ERCC3: variants seen among roughly 807,000 people sequenced by gnomAD.
ERCC3 encodes ERCC excision repair 3, TFIIH core complex helicase subunit.
ERCC3 carries 66 observed loss-of-function variants against 94.2 expected under a neutral mutation model. The ratio of observed to expected loss-of-function variants is 0.70; its 90% confidence interval spans 0.57 to 0.86. The LOEUF is 0.86. Ranked by LOEUF, ERCC3 falls within the 40% of genes least tolerant of loss-of-function variation. ERCC3 has a pLI of 0.00. For synonymous variants in ERCC3, 349 were observed against 369.1 expected (o/e 0.95, Z 0.63); for missense variants, 829 against 987.1 (o/e 0.84, Z 2.15).
In ERCC3 at chr2:127,294,108, G is replaced by GA; in HGVS notation, c.-28dup. 1 of 1,604,934 alleles carries GA rather than the reference G, an allele frequency of 6.2e-7. No individual in the cohort carries two copies. The highest frequency in any genetic ancestry group is 8.5e-7 in the Non-Finnish European group (1 of 1,178,984). ...GCAGCTACAGCAGCAGAGAGAAGAT[G>GA]ACCCCGCTCCCACAGGCCCGCCGCG... is the stretch of plus-strand genomic sequence containing the variant. On this transcript the variant is annotated 5_prime_UTR_variant, in exon 1 of 15. An upstream open reading frame in the 5' UTR loses its in-frame stop. Transcript: ENST00000285398.
At chr2:127,276,948 A>AACT (rs1284346750) in intron 10 of ERCC3, among the ~76,000 whole-genome samples, 1 of 152,180 alleles carries the variant, frequency 6.6e-6, no homozygotes, top group African/African-American at 2.4e-5. Context: ...GACCTGGCCA[A>AACT]ACTACTGATC....
At position 127,292,180 on chromosome 2, in the gene ERCC3, C is replaced by T. The variant is rs4150406; in HGVS notation, c.471+430G>A. On this transcript the variant is annotated intron_variant, in intron 3 of 14. Transcript: ENST00000285398. ...TCACGACCTCATTTAGTCTTAACTA[C>T]TTTCTTACTCCAAATACATTACCAT... 751 of 315,156 alleles carry T rather than the reference C, an allele frequency of 2.4e-3. 14 individuals are homozygous for T. The highest frequency in any genetic ancestry group is 0.015 in the South Asian group (544 of 35,234). The allele number at this position is 315,156 out of a possible 1,614,324, so 19.5% of individuals were successfully genotyped here. A position where few individuals can be genotyped will look rare whatever the true frequency, so the allele number is the denominator to read the frequency against.
chr2:127,272,812 C>T, intron 11 of ERCC3, 53 bp downstream of exon 11: 1 of 1,077,028 alleles, frequency 9.3e-7, no homozygotes, highest in Middle Eastern at 2.0e-4. Context: ...AGTGTACCCC[C>T]CAGGTCCCCA....
chr2:127,285,874 T>G (rs1056435051), intron 8 of ERCC3, among the ~76,000 whole-genome samples: 1 of 151,810 alleles, frequency 6.6e-6, no homozygotes, highest in African/African-American at 2.4e-5. Flanking sequence ...AAAGAAAACT[T>G]GGATCATGGT....
At chr2:127,292,006 T>C (rs968330952) in intron 3 of ERCC3, 2 of 175,174 alleles carry the variant, frequency 1.1e-5, no homozygotes, top group African/African-American at 4.7e-5. Flanking sequence ...AGGCTGAAAG[T>C]CTATGATCAA....
intron 10 of ERCC3, among the ~76,000 whole-genome samples, chr2:127,276,998 G>T (rs1458303536): frequency 6.6e-6 from 1 of 152,166 alleles, no homozygotes; most frequent in African/African-American, 2.4e-5. Context: ...AACATGTGAA[G>T]TCTCCAAAGC....
Position 127,289,386 on chromosome 2 carries a change from T to C in ERCC3, c.773A>G (p.Asp258Gly). ...LFDFYEQMDK[D>G]EEEEEETQTV... The stretch of plus-strand genomic sequence containing the variant: ...CTGTGTCTCTTCTTCTTCTTCTTCA[T>C]CCTTGTCCATTTGCTCATAGAAGTC... The change falls in exon 6 of 15, where the codon GAT (aspartate) becomes GGT (glycine). Residue 258 changes from aspartate (D) to glycine (G), a missense_variant. By Grantham distance (94) the Asp-to-Gly change is moderately conservative. Transcript: ENST00000285398. The C allele has an allele frequency of 6.2e-7, 1 of 1,613,718 alleles. No individual in the cohort carries two copies. The highest frequency in any genetic ancestry group is 8.5e-7 in the Non-Finnish European group (1 of 1,180,024).
At position 127,289,339 on chromosome 2, in the gene ERCC3, G is replaced by A. The variant is rs2104775645; in HGVS notation, c.820C>T (p.Gln274Ter). Reference protein sequence around the residue: ...ETQTVSFEVKQEMIEELQKRC... With the variant: ...ETQTVSFEVK Reference sequence around the variant, plus strand: ...AGGAGGAAGGTACATTCACTAACCTGCTTGACTTCAAAAGACACTGTCTGT... The same window carrying A: ...AGGAGGAAGGTACATTCACTAACCTACTTGACTTCAAAAGACACTGTCTGT... Residue 274 changes from glutamine to a stop codon, truncating the protein, a stop_gained and splice_region_variant, in exon 6 of 15, where the codon CAG (glutamine) becomes TAG (stop). Coordinates refer to ENST00000285398, the MANE Select transcript of ERCC3 (RefSeq NM_000122.2). LOFTEE classifies it high-confidence loss of function. The A allele has an allele frequency of 6.2e-7, 1 of 1,613,708 alleles. No homozygotes were observed. The highest frequency in any genetic ancestry group is 1.1e-5 in the South Asian group (1 of 91,044).
At chr2:127,293,377 G>C (rs1685344713) in intron 2 of ERCC3, 136 bp downstream of exon 2, 3 of 829,148 alleles carry the variant, frequency 3.6e-6, no homozygotes, top group Non-Finnish European at 5.8e-6. Context: ...CTGTTCCAAC[G>C]TGTGTGGATG....
At position 127,264,388 on chromosome 2, in the gene ERCC3, T is replaced by A. The variant is rs1684289828; in HGVS notation, c.1946-3042A>T. 6.6e-6 allele frequency among the ~76,000 whole-genome samples: 1 copy of A among 152,140 alleles called. No individual in the cohort carries two copies. The highest frequency in any genetic ancestry group is 2.1e-4 in the South Asian group (1 of 4,832). The stretch of plus-strand genomic sequence containing the variant: ...GGCTGAGGCAGGAGAATAGTTTGAA[T>A]CTGGGAAGCAGAGGTTGCAGTGAGC... On this transcript the variant is annotated intron_variant, in intron 12 of 14. Coordinates refer to ENST00000285398, the MANE Select transcript of ERCC3 (RefSeq NM_000122.2). This position sits in a 1 kb window ranked among gnomAD's most constrained non-coding sequence, Gnocchi z 4.4.
rs1379363265 is a variant in ERCC3 at position 127,284,572 on chromosome 2, A to G, written c.1342+2131T>C. On this transcript the variant is annotated intron_variant, in intron 8 of 14. Coordinates refer to ENST00000285398, the MANE Select transcript of ERCC3 (RefSeq NM_000122.2). This position sits in a 1 kb window ranked among gnomAD's most constrained non-coding sequence, Gnocchi z 4.1. The stretch of plus-strand genomic sequence containing the variant: ...AGAGCTCTCATGCACAGAAAGAACC[A>G]GATGCTGGGGCCATTTTGACATTTT... Among the ~76,000 whole-genome samples, 2 of 152,230 alleles carry G rather than the reference A, an allele frequency of 1.3e-5. No individual in the cohort carries two copies. The highest frequency in any genetic ancestry group is 4.8e-5 in the African/African-American group (2 of 41,452).
chr2:127,289,225 C>T, intron 6 of ERCC3, 112 bp downstream of exon 6: 1 of 942,540 alleles, frequency 1.1e-6, no homozygotes, highest in Non-Finnish European at 1.7e-6. Context: ...AATTCAGGGA[C>T]CAACAGGGAC....
At chr2:127,283,195 C>A (rs892761816) in intron 8 of ERCC3, among the ~76,000 whole-genome samples, 1 of 152,036 alleles carries the variant, frequency 6.6e-6, no homozygotes, top group Non-Finnish European at 1.5e-5. Flanking sequence ...GTAACCAGCA[C>A]CACAATCAGG....
chr2:127,269,417 CTTTTTTTTTTTT>C lies in ERCC3; in HGVS notation c.1945+1907_1945+1918del, dbSNP rs70985445. On this transcript the variant is annotated intron_variant, in intron 12 of 14. Coordinates refer to ENST00000285398, the MANE Select transcript of ERCC3 (RefSeq NM_000122.2). ...TTGAGTAAGAAAACAATTCTATTCA[CTTTTTTTTTTTT>C]TTTTTTTTTTGAGATGGAGTCTTGC... is the stretch of plus-strand genomic sequence containing the variant. Among the ~76,000 whole-genome samples, 139 of 113,570 alleles carry C rather than the reference CTTTTTTTTTTTT, an allele frequency of 1.2e-3. 1 individual carries two copies. Among genetic ancestry groups the C allele is most frequent in the African/African-American group, 4.5e-3 (131 of 29,068 alleles). The allele number at this position is 113,570 out of a possible 152,430, so 74.5% of individuals were successfully genotyped here.
chr2:127,284,532 A>G lies in ERCC3; in HGVS notation c.1342+2171T>C, dbSNP rs1284014520. On this transcript the variant is annotated intron_variant, in intron 8 of 14. Coordinates refer to ENST00000285398, the MANE Select transcript of ERCC3 (RefSeq NM_000122.2). The surrounding 1 kb of genome is among the most constrained non-coding windows in gnomAD (Gnocchi z 4.1). ...TGAACATCTCTAGGTATCTCCAGAA[A>G]CCCATCAGGGCTGAAGAGCTCTCAT... Among the ~76,000 whole-genome samples, 1 of 152,174 alleles carries G rather than the reference A, an allele frequency of 6.6e-6. No individual in the cohort carries two copies. The highest frequency in any genetic ancestry group is 2.4e-5 in the African/African-American group (1 of 41,438).
rs1685190651 is a variant in ERCC3 at position 127,289,436 on chromosome 2, T to C, written c.723A>G (p.Lys241=). The C allele has an allele frequency of 1.2e-6, 2 of 1,613,050 alleles. No homozygotes were observed. The highest frequency in any genetic ancestry group is 1.7e-6 in the Non-Finnish European group (2 of 1,179,934). ...CAAACAGGTCCATGGGGATGTCAGA[T>C]TTACCCTGTGGATCTGTCACTCGGG... ...STSRVTDPQG[K]SDIPMDLFDF... The change falls in exon 6 of 15, where the codon AAA becomes AAG. Residue 241 remains lysine, a synonymous_variant. Transcript: ENST00000285398.
intron 4 of ERCC3, 32 bp downstream of exon 4, chr2:127,290,192 C>T (rs1685220942): frequency 6.3e-7 from 1 of 1,592,132 alleles, no homozygotes; most frequent in African/African-American, 1.3e-5. Flanking sequence ...AGTGACAGTG[C>T]CTTGGGACAG....
At position 127,274,112 on chromosome 2, in the gene ERCC3, G is replaced by A. The variant is rs908340868; in HGVS notation, c.1731-1151C>T. 6.6e-6 allele frequency among the ~76,000 whole-genome samples: 1 copy of A among 151,482 alleles called. No individual in the cohort carries two copies. The highest frequency in any genetic ancestry group is 1.9e-4 in the East Asian group (1 of 5,166). The stretch of plus-strand genomic sequence containing the variant: ...GTGGATCACCTGAGGCCAGGAGTTC[G>A]AGACCAGCCTGGCCAACATGGTGAG... On this transcript the variant is annotated intron_variant, in intron 10 of 14. Coordinates refer to ENST00000285398, the MANE Select transcript of ERCC3 (RefSeq NM_000122.2). The surrounding 1 kb of genome is among the most constrained non-coding windows in gnomAD (Gnocchi z 4.0).
Position 127,268,738 on chromosome 2 carries a change from T to C in ERCC3, c.1945+2598A>G, listed in dbSNP as rs565835365. Among the ~76,000 whole-genome samples, 3 of 152,324 alleles carry C rather than the reference T, an allele frequency of 2.0e-5. No individual in the cohort carries two copies. The East Asian group carries it at 5.8e-4, about 29-fold the overall frequency. On this transcript the variant is annotated intron_variant, in intron 12 of 14. Transcript: ENST00000285398. The stretch of plus-strand genomic sequence containing the variant: ...CTTGGAAAGTCTGACGGCTATGTGC[T>C]CTGGGGATGATCATCTTGTACAGCA...
Sources: gnomAD v4.1 joint callset for allele counts (sites outside exome capture counted in the v4.1 genomes callset) on GRCh38, gnomAD v4.1.1 for gene constraint, Gnocchi (gnomAD v3.1) non-coding constraint, MANE v1.5 for transcripts, NCBI Gene and HGNC (gene_info 2026-07-23, HGNC 2026-07-21) for gene names.